The following GRID1 variants were observed in gnomAD, a reference collection of about 807,000 sequenced individuals.
GRID1 encodes the protein glutamate ionotropic receptor delta type subunit 1.
Under a neutral mutation model 98.0 loss-of-function variants are expected in GRID1, and 28 were observed. The observed-to-expected ratio is 0.29, with a 90% CI of 0.21 to 0.39. The LOEUF is 0.39. GRID1 is among the 10% of genes least tolerant of loss of function. The pLI, the probability that GRID1 is intolerant of heterozygous loss-of-function variation, is 1.00. For missense variants in GRID1, 1,111 were observed against 1,340.5 expected (o/e 0.83, Z 2.67); for synonymous variants, 553 against 538.5 (o/e 1.03, Z -0.37).
intron 2 of GRID1, among the ~76,000 whole-genome samples, chr10:86,291,060 G>A (rs1315379019): frequency 2.0e-5 from 3 of 152,206 alleles, no homozygotes; most frequent in Non-Finnish European, 4.4e-5. Flanking sequence ...AGGACAGCTT[G>A]TGAAGATCCT....
At chr10:85,674,716 T>G (rs4547037) in intron 12 of GRID1, among the ~76,000 whole-genome samples, 40,865 of 150,706 alleles carry the variant, frequency 0.27, 5,676 homozygotes, top group Non-Finnish European at 0.3. Context: ...ATTGCAGGTT[T>G]TTTTTTTTTT....
intron 2 of GRID1, among the ~76,000 whole-genome samples, chr10:86,286,203 A>G (rs759488723): frequency 5.9e-5 from 9 of 151,520 alleles, no homozygotes; most frequent in South Asian, 2.1e-4. Flanking sequence ...GTGTAGATGT[A>G]TAGTTATAGG....
intron 3 of GRID1, among the ~76,000 whole-genome samples, chr10:86,158,422 C>T (rs1474540724): frequency 6.6e-6 from 1 of 152,248 alleles, no homozygotes; most frequent in African/African-American, 2.4e-5. Flanking sequence ...CACTCACCTA[C>T]TAAGCCACTG....
intron 12 of GRID1, among the ~76,000 whole-genome samples, chr10:85,718,065 T>C (rs1841660089): frequency 6.6e-6 from 1 of 152,228 alleles, no homozygotes; most frequent in Admixed American, 6.5e-5. Context: ...TTTCATGGGC[T>C]GGCATTGAGT....
chr10:85,923,454 A>C (rs1257437709), intron 4 of GRID1, among the ~76,000 whole-genome samples: 2 of 152,158 alleles, frequency 1.3e-5, no homozygotes. Flanking sequence ...CAGGGAAGGC[A>C]CTGGCTGGGA....
intron 4 of GRID1, among the ~76,000 whole-genome samples, chr10:86,085,958 C>G (rs1173129889): frequency 6.6e-6 from 1 of 152,146 alleles, no homozygotes; most frequent in East Asian, 1.9e-4. Context: ...GGTCTCCACA[C>G]CCCAGCCCAG....
In GRID1 at chr10:86,331,521, G is replaced by A. The variant is rs139032755; in HGVS notation, c.235+32420C>T. On this transcript the variant is annotated intron_variant, in intron 2 of 15. Coordinates refer to ENST00000327946, the MANE Select transcript of GRID1 (RefSeq NM_017551.3). ...CCCACAACCCCATTGGAAGCTGGAG[G>A]GCTGGAGTCAACACAGTGCCAGACA... 6.8e-3 allele frequency among the ~76,000 whole-genome samples: 1,033 copies of A among 152,310 alleles called. 13 individuals are homozygous for A. Among genetic ancestry groups the A allele is most frequent in the African/African-American group, 0.024 (980 of 41,560 alleles).
intron 4 of GRID1, among the ~76,000 whole-genome samples, chr10:86,026,054 G>A (rs765806978): frequency 4.6e-5 from 7 of 152,252 alleles, no homozygotes; most frequent in African/African-American, 9.6e-5. Context: ...CAAGGCCCAA[G>A]GGGGTGTTGC....
intron 13 of GRID1, among the ~76,000 whole-genome samples, chr10:85,638,468 CA>C (rs1482154397): frequency 3.3e-5 from 5 of 152,080 alleles, no homozygotes; most frequent in Non-Finnish European, 7.4e-5. Context: ...CTTCAATAAT[CA>C]AGATTTTTTT....
intron 8 of GRID1, among the ~76,000 whole-genome samples, chr10:85,772,392 CT>C (rs1842280230): frequency 6.6e-6 from 1 of 150,876 alleles, no homozygotes; most frequent in Non-Finnish European, 1.5e-5. Context: ...AATTGACACC[CT>C]AATGTCACAA....
chr10:85,921,794 C>G (rs1841708260), intron 4 of GRID1, among the ~76,000 whole-genome samples: 3 of 152,198 alleles, frequency 2.0e-5, no homozygotes, highest in Admixed American at 6.5e-5. Context: ...GTCTGGGTCC[C>G]CTTCCTCTGT....
chr10:86,002,572 T>C (rs1842814260), intron 4 of GRID1, among the ~76,000 whole-genome samples: 1 of 152,216 alleles, frequency 6.6e-6, no homozygotes, highest in South Asian at 2.1e-4. Flanking sequence ...CAGTGGTTAC[T>C]GGGCCTGGGA....
chr10:86,211,338 G>C (rs1290933490), intron 2 of GRID1, among the ~76,000 whole-genome samples: 1 of 152,158 alleles, frequency 6.6e-6, no homozygotes, highest in Non-Finnish European at 1.5e-5. Flanking sequence ...GGACTGATAA[G>C]GGCCCCCTGA....
chr10:85,885,986 T>C (rs1476020332), intron 5 of GRID1, among the ~76,000 whole-genome samples: 2 of 152,206 alleles, frequency 1.3e-5, no homozygotes, highest in Non-Finnish European at 1.5e-5. Flanking sequence ...ACTTCCTCCA[T>C]GCTAGGGCAA....
At chr10:86,351,313 C>T (rs1452226141) in intron 2 of GRID1, among the ~76,000 whole-genome samples, 2 of 152,232 alleles carry the variant, frequency 1.3e-5, no homozygotes, top group Non-Finnish European at 2.9e-5. Flanking sequence ...CAGACACACA[C>T]GGGCTAATGG....
chr10:85,960,452 G>A (rs1049066871), intron 4 of GRID1, among the ~76,000 whole-genome samples: 1 of 152,170 alleles, frequency 6.6e-6, no homozygotes, highest in African/African-American at 2.4e-5. Flanking sequence ...CCCTGGCCAG[G>A]TCTAGAGCCC....
At chr10:85,749,789 G>C (rs1283416172) in intron 8 of GRID1, among the ~76,000 whole-genome samples, 1 of 152,082 alleles carries the variant, frequency 6.6e-6, no homozygotes, top group Non-Finnish European at 1.5e-5. Context: ...TTTCACCCTA[G>C]AACTACTCTT....
At chr10:85,623,601 C>T (rs1030110553) in intron 13 of GRID1, among the ~76,000 whole-genome samples, 12 of 152,184 alleles carry the variant, frequency 7.9e-5, no homozygotes, top group Non-Finnish European at 5.9e-5. Flanking sequence ...CAACTCCTCT[C>T]TTCCCTGCCC....
intron 2 of GRID1, among the ~76,000 whole-genome samples, chr10:86,307,747 T>C (rs1373805912): frequency 3.3e-5 from 5 of 152,248 alleles, no homozygotes; most frequent in Non-Finnish European, 7.3e-5. Flanking sequence ...ATTAGCCTGA[T>C]TCTGGTGATC....
Sources: gnomAD v4.1 joint callset for allele counts (sites outside exome capture counted in the v4.1 genomes callset) on GRCh38, gnomAD v4.1.1 for gene constraint, MANE v1.5 for transcripts, NCBI Gene and HGNC (gene_info 2026-07-23, HGNC 2026-07-21) for gene names.